CPZ: variants seen among roughly 807,000 people sequenced by gnomAD.
The protein encoded by CPZ is VEZT/CPZ fusion.
In CPZ, 103 loss-of-function variants were observed where a neutral mutation model predicts 61.8. That is an observed-to-expected ratio of 1.67 (90% CI 1.42 to 1.96). The LOEUF (loss-of-function observed/expected upper bound fraction) is 1.96, where lower values mean the gene tolerates loss of function less well. CPZ is among the 30% of genes most tolerant of loss of function. The probability of loss-of-function intolerance (pLI) is 0.00; values close to 1 mark genes in which losing one functional copy is unlikely to be tolerated. For synonymous variants in CPZ, 551 were observed against 373.7 expected (o/e 1.47, Z -5.47); for missense variants, 1,461 against 914.9 (o/e 1.60, Z -7.70).
At chr4:8,607,689 G>C (rs1715159277) in intron 7 of CPZ, among the ~76,000 whole-genome samples, 1 of 152,196 alleles carries the variant, frequency 6.6e-6, no homozygotes, top group Non-Finnish European at 1.5e-5. Context: ...GGGAGCTCCT[G>C]GGGTGGGGAC....
chr4:8,617,148 A>C (rs1716243684), intron 9 of CPZ, among the ~76,000 whole-genome samples: 1 of 152,240 alleles, frequency 6.6e-6, no homozygotes, highest in South Asian at 2.1e-4. Flanking sequence ...GTGTCAGGCC[A>C]GTCGGTTTCT....
At chr4:8,610,261 G>C (rs1251604277) in intron 7 of CPZ, among the ~76,000 whole-genome samples, 1 of 152,184 alleles carries the variant, frequency 6.6e-6, no homozygotes, top group Non-Finnish European at 1.5e-5. Context: ...CCAGCCTCTG[G>C]ACCGACAGCT....
In CPZ at chr4:8,612,070, T is replaced by G. The variant is rs773195281; in HGVS notation, c.1271T>G (p.Met424Arg). 1 of 1,613,614 alleles carries G rather than the reference T, an allele frequency of 6.2e-7. No homozygotes were observed. Among genetic ancestry groups the G allele is most frequent in the South Asian group, 1.1e-5 (1 of 91,058 alleles). ...LSRAYADVHPMMMDRSENRCG... is the reference protein window; with the variant it reads ...LSRAYADVHPRMMDRSENRCG... ...AGAGCCTACGCTGACGTCCACCCCA[T>G]GATGATGGACAGGTCGGAGAATAGG... Residue 424 changes from methionine to arginine, a missense_variant, in exon 8 of 11, where the codon ATG becomes AGG. Physicochemically the swap from Met to Arg is moderately conservative, Grantham distance 91. Coordinates refer to ENST00000360986, the MANE Select transcript of CPZ (RefSeq NM_001014447.3).
intron 1 of CPZ, 50 bp downstream of exon 1, chr4:8,592,971 G>A (rs1713905727): frequency 1.4e-6 from 2 of 1,396,858 alleles, no homozygotes; most frequent in Non-Finnish European, 1.9e-6. Context: ...TGCAACCTCT[G>A]GGGAGTGTGA....
At chr4:8,600,277 G>A (rs1277055614) in intron 2 of CPZ, among the ~76,000 whole-genome samples, 7 of 152,162 alleles carry the variant, frequency 4.6e-5, no homozygotes, top group Non-Finnish European at 8.8e-5. Context: ...TTGCCTGGCT[G>A]TAAAATGTGG....
chr4:8,607,917 G>A (rs1715180543), intron 7 of CPZ, among the ~76,000 whole-genome samples: 1 of 152,190 alleles, frequency 6.6e-6, no homozygotes, highest in African/African-American at 2.4e-5. Flanking sequence ...ACCGTCCACT[G>A]GGCCATTAGG....
rs533542498 is a variant in CPZ, at chr4:8,596,001, G to A, written c.88+3080G>A. ...CCCTTAGAGCCTTGACAGGGAGTGC[G>A]GCCCTGCAGACCTGCAGACTTCCAG... On this transcript the variant is annotated intron_variant, in intron 1 of 10. Transcript: ENST00000360986. Among the ~76,000 whole-genome samples, 10 of 140,278 alleles carry A rather than the reference G, an allele frequency of 7.1e-5. No individual in the cohort carries two copies. The East Asian group carries it at 1.9e-3, about 26-fold the overall frequency. The allele number at this position is 140,278 out of a possible 152,430, so 92.0% of individuals were successfully genotyped here.
chr4:8,600,841 T>C, intron 2 of CPZ: 1 of 960,758 alleles, frequency 1.0e-6, no homozygotes, highest in Non-Finnish European at 1.3e-6. Flanking sequence ...GGCCCTTGTG[T>C]GGCACAGCTG....
At chr4:8,610,615 A>T (rs1385473238) in intron 7 of CPZ, among the ~76,000 whole-genome samples, 1 of 152,206 alleles carries the variant, frequency 6.6e-6, no homozygotes, top group Admixed American at 6.5e-5. Context: ...AATGTAGCAG[A>T]TGTGGCCTGG....
At chr4:8,614,523 C>G (rs1163736035) in intron 9 of CPZ, 25 bp downstream of exon 9, 5 of 1,608,398 alleles carry the variant, frequency 3.1e-6, no homozygotes, top group East Asian at 4.5e-5. Flanking sequence ...TCTCAGGGCT[C>G]TGGTCCAGCT....
At chr4:8,618,594 C>T (rs942591122) in intron 10 of CPZ, 66 bp downstream of exon 10, 36 of 1,408,452 alleles carry the variant, frequency 2.6e-5, no homozygotes, top group Middle Eastern at 1.7e-4. Context: ...CCGTGGCAGC[C>T]GGCACCCTCA....
Position 8,619,254 on chromosome 4 carries a change from G to C in CPZ, c.1604-8G>C, listed in dbSNP as rs115406813. 6.3e-7 allele frequency: 1 copy of C among 1,599,320 alleles called. No individual in the cohort carries two copies. The highest frequency in any genetic ancestry group is 1.1e-5 in the South Asian group (1 of 88,586). The stretch of plus-strand genomic sequence containing the variant: ...CGTGAGAATCATTTTTAATCTATTT[G>C]TCCACAGCCCCAGATGGTGACTACT... On this transcript the variant is annotated splice_polypyrimidine_tract_variant and splice_region_variant and intron_variant, in intron 10 of 10. Transcript: ENST00000360986.
chr4:8,610,586 A>C (rs1715568195), intron 7 of CPZ, among the ~76,000 whole-genome samples: 1 of 152,224 alleles, frequency 6.6e-6, no homozygotes, highest in South Asian at 2.1e-4. Context: ...AAGGCAGGTC[A>C]GAGGTGGGAC....
At chr4:8,605,547 T>C (rs1714896446) in intron 4 of CPZ, among the ~76,000 whole-genome samples, 1 of 148,858 alleles carries the variant, frequency 6.7e-6, no homozygotes, top group South Asian at 2.1e-4. Context: ...CATCTATCCA[T>C]TCATCCATCA....
Position 8,601,517 on chromosome 4 carries a change from G to A in CPZ, c.496+20G>A, listed in dbSNP as rs1462437841. 3.5e-6 allele frequency: 5 copies of A among 1,446,484 alleles called. No homozygotes were observed. In the African/African-American group the frequency reaches 5.7e-5, roughly 16 times the overall value. The allele number at this position is 1,446,484 out of a possible 1,614,324, so 89.6% of individuals were successfully genotyped here. Reference sequence around the variant, plus strand: ...TTCGGGGTAAGGGAAAGTGGCGGGGGCCTGTGTGGTCATGGGGTCCAGGTG... The same window carrying A: ...TTCGGGGTAAGGGAAAGTGGCGGGGACCTGTGTGGTCATGGGGTCCAGGTG... On this transcript the variant is annotated intron_variant, in intron 3 of 10. Coordinates refer to ENST00000360986, the MANE Select transcript of CPZ (RefSeq NM_001014447.3).
intron 9 of CPZ, among the ~76,000 whole-genome samples, chr4:8,616,168 C>T (rs889773896): frequency 6.6e-6 from 1 of 152,222 alleles, no homozygotes; most frequent in African/African-American, 2.4e-5. Flanking sequence ...GGACGTCTTA[C>T]AGGAGACCTG....
intron 4 of CPZ, among the ~76,000 whole-genome samples, chr4:8,605,247 G>A (rs1050677035): frequency 6.6e-6 from 1 of 151,764 alleles, no homozygotes; most frequent in Non-Finnish European, 1.5e-5. Flanking sequence ...GAGGAGGAGT[G>A]ACTTGCCTGC....
rs199962135 is a variant in CPZ, at chr4:8,599,461, C to G, written c.97C>G (p.His33Asp). The change falls in exon 2 of 11, where the codon CAC becomes GAC. Residue 33 changes from histidine (H) to aspartate (D), a missense_variant. By Grantham distance (81) the His-to-Asp change is moderately conservative. Coordinates refer to ENST00000360986, the MANE Select transcript of CPZ (RefSeq NM_001014447.3). ...CATGTCTCTCTTTCCAGGTGAATGC[C>G]ACAGGCCACCAGCTGCAGACAGCGG... The part of the protein sequence containing the change: ...EFERNPAGEC[H>D]RPPAADSATC... 4 of 1,611,826 alleles carry G rather than the reference C, an allele frequency of 2.5e-6. No homozygotes were observed. Among genetic ancestry groups the G allele is most frequent in the Non-Finnish European group, 3.4e-6 (4 of 1,178,618 alleles).
At chr4:8,618,350 T>C (rs1716380044) in intron 9 of CPZ, 79 bp from the exon 10 acceptor site, 8 of 1,364,298 alleles carry the variant, frequency 5.9e-6, no homozygotes, top group East Asian at 2.3e-5. Context: ...CTGAGGAGCA[T>C]GTGGGGAACG....
Sources: allele counts gnomAD v4.1 joint callset (sites outside exome capture counted in the v4.1 genomes callset), GRCh38; gene constraint gnomAD v4.1.1; transcripts MANE v1.5; gene names NCBI Gene and HGNC (gene_info 2026-07-23, HGNC 2026-07-21).